ZNF213: variants seen among roughly 807,000 people sequenced by gnomAD.
ZNF213 encodes putative transcription factor CR53.
ZNF213 carries 32 observed loss-of-function variants against 46.0 expected under a neutral mutation model. The ratio of observed to expected loss-of-function variants is 0.70; its 90% CI spans 0.52 to 0.93. The LOEUF (loss-of-function observed/expected upper bound fraction) is 0.93, where lower values mean the gene tolerates loss of function less well. Ranked by LOEUF, ZNF213 falls within the 40% of genes least tolerant of loss-of-function variation. The pLI, the probability that ZNF213 is intolerant of heterozygous loss-of-function variation, is 0.00. For missense variants in ZNF213, 639 were observed against 652.8 expected (o/e 0.98, Z 0.23); for synonymous variants, 297 against 271.0 (o/e 1.10, Z -0.94).
At chr16:3,138,023 A>C in intron 2 of ZNF213, 1 of 459,994 alleles carries the variant, frequency 2.2e-6, no homozygotes, top group South Asian at 2.3e-5. Flanking sequence ...CCAGCTCCAG[A>C]GTGGGGCGAG....
intron 5 of ZNF213, 125 bp from the exon 6 acceptor site, chr16:3,140,564 T>C (rs1957591588): frequency 2.3e-6 from 3 of 1,318,630 alleles, no homozygotes; most frequent in Non-Finnish European, 9.9e-7. Context: ...AGAATTCAGC[T>C]GTGTGAACCC....
Position 3,137,974 on chromosome 16 carries a change from T to G in ZNF213, c.399+295T>G, listed in dbSNP as rs534926701. 546 of 507,858 alleles carry G rather than the reference T, an allele frequency of 1.1e-3. 5 individuals carry two copies. Among genetic ancestry groups the G allele is most frequent in the Middle Eastern group, 5.4e-3 (10 of 1,842 alleles). The allele number at this position is 507,858 out of a possible 1,614,324, so 31.5% of individuals were successfully genotyped here. ...CTGCTGATGTTTATTTGCATTTTGC[T>G]CTAGGCCTGGCTCTGGGGACACAAG... On this transcript the variant is annotated intron_variant, in intron 2 of 5. Coordinates refer to ENST00000396878, the MANE Select transcript of ZNF213 (RefSeq NM_004220.3).
rs1957603339 is a variant in ZNF213 at position 3,141,419 on chromosome 16, C to T, written c.*72C>T. ...TCCTGCTTTGTTCACCACTGGGACTCTCCTTCCATCTGTGGCCACCTCCCG... is the reference window on the plus strand; with the variant it reads ...TCCTGCTTTGTTCACCACTGGGACTTTCCTTCCATCTGTGGCCACCTCCCG... On this transcript the variant is annotated 3_prime_UTR_variant, in exon 6 of 6. Transcript: ENST00000396878. 3 of 1,461,658 alleles carry T rather than the reference C, an allele frequency of 2.1e-6. No individual in the cohort carries two copies. In the East Asian group the frequency reaches 7.2e-5, roughly 35 times the overall value. 90.5% of individuals were successfully genotyped at this position (1,461,658 alleles called of 1,614,324 possible).
chr16:3,142,411 GCTCCATCGGCACTGGTGTCCCA>G lies in ZNF213; in HGVS notation c.*1071_*1092del, dbSNP rs1347231380. 6.8e-6 allele frequency: 1 copy of G among 146,270 alleles called. No individual in the cohort carries two copies. The highest frequency in any genetic ancestry group is 1.5e-5 in the Non-Finnish European group (1 of 66,614). The allele number at this position is 146,270 out of a possible 1,614,324, so 9.1% of individuals were successfully genotyped here. ...CCCACTCCATCAGCACTAACGCCCT[GCTCCATCGGCACTGGTGTCCCA>G]CTCCATTGTCACTAACGTCCGGCTC... is the stretch of plus-strand genomic sequence containing the variant. On this transcript the variant is annotated 3_prime_UTR_variant, in exon 6 of 6. Coordinates refer to ENST00000396878, the MANE Select transcript of ZNF213 (RefSeq NM_004220.3).
rs1305801160 is a variant in ZNF213 at position 3,141,020 on chromosome 16, C to G, written c.1053C>G (p.Asp351Glu). The change falls in exon 6 of 6, where the codon GAC becomes GAG. Residue 351 changes from aspartate to glutamate, a missense_variant. By Grantham distance (45) the Asp-to-Glu change is conservative. Coordinates refer to ENST00000396878, the MANE Select transcript of ZNF213 (RefSeq NM_004220.3). ...GEKPHKCPEC[D>E]KSFRSSSDLV... is the part of the protein sequence containing the mutation. ...AGCCACACAAGTGCCCTGAGTGCGACAAGAGCTTCCGCAGCTCCTCGGACC... is the reference window on the plus strand; with the variant it reads ...AGCCACACAAGTGCCCTGAGTGCGAGAAGAGCTTCCGCAGCTCCTCGGACC... The G allele has an allele frequency of 6.2e-7, 1 of 1,612,674 alleles. No homozygotes were observed. Among genetic ancestry groups the G allele is most frequent in the Non-Finnish European group, 8.5e-7 (1 of 1,179,744 alleles).
chr16:3,141,659 C>T lies in ZNF213; in HGVS notation c.*312C>T. ...CAGGGACAGCAGGGTGGCAAGGACT[C>T]AGGTCTAGGTCCCTTCCCAGAAGCC... On this transcript the variant is annotated 3_prime_UTR_variant, in exon 6 of 6. Transcript: ENST00000396878. 1 of 422,616 alleles carries T rather than the reference C, an allele frequency of 2.4e-6. No individual in the cohort carries two copies. The highest frequency in any genetic ancestry group is 4.2e-6 in the Non-Finnish European group (1 of 236,614). 26.2% of individuals were successfully genotyped at this position (422,616 alleles called of 1,614,324 possible). A position where few individuals can be genotyped will look rare whatever the true frequency, so the allele number is the denominator to read the frequency against.
Position 3,141,184 on chromosome 16 carries a change from G to A in ZNF213, c.1217G>A (p.Cys406Tyr). ...GAGAAGCCTTTCGGCTGCAGCGACT[G>A]CGGCAAGAGCTTCTCGCTGCGCTCC... ...TGEKPFGCSDCGKSFSLRSYL... is the reference protein window; with the variant it reads ...TGEKPFGCSDYGKSFSLRSYL... The change falls in exon 6 of 6, where the codon TGC (cysteine) becomes TAC (tyrosine). Residue 406 changes from cysteine to tyrosine, a missense_variant. Physicochemically the swap from Cys to Tyr is radical, Grantham distance 194 (BLOSUM62 -2). Coordinates refer to ENST00000396878, the MANE Select transcript of ZNF213 (RefSeq NM_004220.3). 1.9e-6 allele frequency: 3 copies of A among 1,612,482 alleles called. No homozygotes were observed. Among genetic ancestry groups the A allele is most frequent in the Non-Finnish European group, 2.5e-6 (3 of 1,179,908 alleles).
chr16:3,141,621 A>C lies in ZNF213; in HGVS notation c.*274A>C. ...TTCCCCTCTAGTTTCCTGGAGCCCC[A>C]ACACATTCCTGGCAGGGACAGCAGG... On this transcript the variant is annotated 3_prime_UTR_variant, in exon 6 of 6. Transcript: ENST00000396878. 2 of 476,038 alleles carry C rather than the reference A, an allele frequency of 4.2e-6. No individual in the cohort carries two copies. Among genetic ancestry groups the C allele is most frequent in the Non-Finnish European group, 7.4e-6 (2 of 271,288 alleles). The allele number at this position is 476,038 out of a possible 1,614,324, so 29.5% of individuals were successfully genotyped here.
rs1462052255 is a variant in ZNF213 at position 3,137,329 on chromosome 16, G to A, written c.49G>A (p.Gly17Arg). ...GGACCAGGCCCCTGGGGAGGGAGAA[G>A]GGCTTCTGATTGTGAAAGTGGAAGA... ...AQDQAPGEGEGLLIVKVEDSS... is the reference protein window; with the variant it reads ...AQDQAPGEGERLLIVKVEDSS... The change falls in exon 2 of 6, where the codon GGG becomes AGG. Residue 17 changes from glycine to arginine, a missense_variant. Gly to Arg is a moderately radical substitution (Grantham distance 125). Coordinates refer to ENST00000396878, the MANE Select transcript of ZNF213 (RefSeq NM_004220.3). 3 of 1,612,070 alleles carry A rather than the reference G, an allele frequency of 1.9e-6. No homozygotes were observed. Among genetic ancestry groups the A allele is most frequent in the Non-Finnish European group, 2.5e-6 (3 of 1,178,682 alleles).
Position 3,142,650 on chromosome 16 carries a change from T to C in ZNF213, c.*1303T>C, listed in dbSNP as rs1053996. 0.37 allele frequency: 61,766 copies of C among 165,278 alleles called. 11,692 individuals are homozygous for C. The highest frequency in any genetic ancestry group is 0.42 in the South Asian group (3,536 of 8,426). The allele number at this position is 165,278 out of a possible 1,614,324, so 10.2% of individuals were successfully genotyped here. On this transcript the variant is annotated 3_prime_UTR_variant, in exon 6 of 6. Coordinates refer to ENST00000396878, the MANE Select transcript of ZNF213 (RefSeq NM_004220.3). ...CCCAGCTCCACCGGTACTGGCTCCC[T>C]GCTCCATCGGCACTAACGCCCTGCT...
chr16:3,138,906 C>T (rs1957572526), intron 4 of ZNF213, 69 bp from the exon 5 acceptor site: 7 of 1,613,610 alleles, frequency 4.3e-6, no homozygotes, highest in African/African-American at 4.0e-5. Context: ...AGGCCTCTTT[C>T]ATCTGACCCA....
intron 5 of ZNF213, 35 bp downstream of exon 5, chr16:3,139,133 G>A (rs770622730): frequency 8.1e-6 from 13 of 1,603,890 alleles, no homozygotes; most frequent in South Asian, 2.2e-5. Flanking sequence ...CAGGCTGGCC[G>A]CCCCCGATTC....
At position 3,141,287 on chromosome 16, in the gene ZNF213, G is replaced by A; in HGVS notation, c.1320G>A (p.Gln440=). The A allele has an allele frequency of 6.2e-7, 1 of 1,610,308 alleles. No homozygotes were observed. The highest frequency in any genetic ancestry group is 2.2e-5 in the East Asian group (1 of 44,876). ...GCGECDKSFK[Q]RAHLIAHQSL... ...GAGAGTGCGACAAGAGCTTCAAGCA[G>A]CGCGCGCACCTCATCGCGCATCAGA... The change falls in exon 6 of 6, where the codon CAG becomes CAA. Residue 440 remains glutamine (Q), a synonymous_variant. Coordinates refer to ENST00000396878, the MANE Select transcript of ZNF213 (RefSeq NM_004220.3).
At chr16:3,140,651 C>T in intron 5 of ZNF213, 38 bp from the exon 6 acceptor site, 3 of 1,474,228 alleles carry the variant, frequency 2.0e-6, no homozygotes, top group Non-Finnish European at 2.7e-6. Flanking sequence ...GCCCCAGAAC[C>T]GCGTGGGACT....
chr16:3,141,544 C>T lies in ZNF213; in HGVS notation c.*197C>T. The T allele has an allele frequency of 1.7e-6, 1 of 576,850 alleles. No individual in the cohort carries two copies. 35.7% of individuals were successfully genotyped at this position (576,850 alleles called of 1,614,324 possible). On this transcript the variant is annotated 3_prime_UTR_variant, in exon 6 of 6. Transcript: ENST00000396878. ...CGCTCAAAGGGAACGGAAGCCTTCC[C>T]CTCCCGCCCCCGATCTTGTCCTCTT...
rs1306252746 is a variant in ZNF213 at position 3,140,791 on chromosome 16, A to C, written c.824A>C (p.Glu275Ala). ...GACGTGACTGTGTCCTGGAGCCCCG[A>C]GGAGGCTGAGGCCTGGGAGAGCGAG... ...GSDVTVSWSP[E>A]EAEAWESENR... Residue 275 changes from glutamate (E) to alanine (A), a missense_variant, in exon 6 of 6, where the codon GAG (glutamate) becomes GCG (alanine). Coordinates refer to ENST00000396878, the MANE Select transcript of ZNF213 (RefSeq NM_004220.3). 1 of 1,595,216 alleles carries C rather than the reference A, an allele frequency of 6.3e-7. No individual in the cohort carries two copies. The highest frequency in any genetic ancestry group is 1.8e-5 in the Admixed American group (1 of 56,086).
chr16:3,140,612 A>T, intron 5 of ZNF213, 77 bp from the exon 6 acceptor site: 1 of 1,435,508 alleles, frequency 7.0e-7, no homozygotes, highest in Non-Finnish European at 9.1e-7. Context: ...AGCTTTCCCC[A>T]GCCTTGTTTC....
At chr16:3,135,425 A>T (rs879679167) in intron 1 of ZNF213, 38 bp downstream of exon 1, 6 of 152,250 alleles carry the variant, frequency 3.9e-5, no homozygotes, top group African/African-American at 1.4e-4. Flanking sequence ...TCTTCTTCGA[A>T]GTCACCAGAG....
At position 3,138,551 on chromosome 16, in the gene ZNF213, C is replaced by A. The variant is rs752022148; in HGVS notation, c.523+10C>A. The A allele has an allele frequency of 6.2e-7, 1 of 1,614,004 alleles. No individual in the cohort carries two copies. ...CAGCACAGCCATAGCGGTGAGTAAG[C>A]CTCCGTTCTTGTGGACAGTCGAGTG... On this transcript the variant is annotated intron_variant, in intron 3 of 5. Coordinates refer to ENST00000396878, the MANE Select transcript of ZNF213 (RefSeq NM_004220.3).
Sources: gnomAD v4.1 joint callset for allele counts on GRCh38, gnomAD v4.1.1 for gene constraint, MANE v1.5 for transcripts, NCBI Gene and HGNC (gene_info 2026-07-23, HGNC 2026-07-21) for gene names.